RIMBP2: variants seen among roughly 807,000 people sequenced by gnomAD.
The protein encoded by RIMBP2 is RIMS-binding protein 2.
A neutral mutation model predicts 118.6 loss-of-function variants in RIMBP2; 48 were observed. The ratio of observed to expected loss-of-function variants is 0.40; its 90% confidence interval spans 0.32 to 0.51. The LOEUF (loss-of-function observed/expected upper bound fraction) is 0.51, where lower values mean the gene tolerates loss of function less well. RIMBP2 is among the 20% of genes least tolerant of loss of function. The pLI, the probability that RIMBP2 is intolerant of heterozygous loss-of-function variation, is 0.41. For missense variants in RIMBP2, 1,551 were observed against 1,768.3 expected, an observed-to-expected ratio of 0.88 and a Z score of 2.20; for synonymous variants, 762 against 742.9, an observed-to-expected ratio of 1.03 and a Z score of -0.42.
chr12:130,527,109 G>A (rs974279949), intron 2 of RIMBP2, among the ~76,000 whole-genome samples: 5 of 152,192 alleles, frequency 3.3e-5, no homozygotes, highest in African/African-American at 9.7e-5. Flanking sequence ...TGGAGGGACC[G>A]TTGGGACTTG....
Position 130,664,383 on chromosome 12 carries a change from G to GCACGCACGCA in RIMBP2, c.-351-35928_-351-35927insTGCGTGCGTG, listed in dbSNP as rs1212575577. Among the ~76,000 whole-genome samples the GCACGCACGCA allele has an allele frequency of 4.5e-4, 60 of 132,438 alleles. 2 individuals are homozygous for GCACGCACGCA. Among genetic ancestry groups the GCACGCACGCA allele is most frequent in the Non-Finnish European group, 7.8e-4 (47 of 60,054 alleles). The allele number at this position is 132,438 out of a possible 152,430, so 86.9% of individuals were successfully genotyped here. ...CACATATGCACGTGCATGCACGCACGCGCATGCACACACACGCACGCACGC... is the reference window on the plus strand; with the variant it reads ...CACATATGCACGTGCATGCACGCACGCACGCACGCACGCATGCACACACACGCACGCACGC... On this transcript the variant is annotated intron_variant, in intron 1 of 22. Coordinates refer to ENST00000690449, the MANE Select transcript of RIMBP2 (RefSeq NM_001393629.1).
chr12:130,549,763 G>A (rs904963103), intron 2 of RIMBP2, among the ~76,000 whole-genome samples: 12 of 152,180 alleles, frequency 7.9e-5, no homozygotes, highest in African/African-American at 2.9e-4. Flanking sequence ...TGTCACTGAT[G>A]GGTACTTGGG....
intron 1 of RIMBP2, among the ~76,000 whole-genome samples, chr12:130,715,371 C>A (rs1359418466): frequency 6.6e-6 from 1 of 152,140 alleles, no homozygotes; most frequent in Non-Finnish European, 1.5e-5. Flanking sequence ...CCAGCCGCCA[C>A]CCCGACCTCA....
intron 1 of RIMBP2, among the ~76,000 whole-genome samples, chr12:130,698,985 C>T (rs894267755): frequency 9.2e-5 from 14 of 152,216 alleles, no homozygotes; most frequent in Admixed American, 5.2e-4. Flanking sequence ...AAAAAATGCT[C>T]ATCATCACTG....
intron 1 of RIMBP2, among the ~76,000 whole-genome samples, chr12:130,642,087 C>G (rs2062647321): frequency 6.6e-6 from 1 of 152,144 alleles, no homozygotes; most frequent in East Asian, 1.9e-4. Context: ...TTTCTAACCA[C>G]TGTACCCCCA....
rs544328205 is a variant in RIMBP2 at position 130,424,460 on chromosome 12, G to C, written c.2811C>G (p.Thr937=). Residue 937 remains threonine (T), a synonymous_variant, in exon 16 of 23, where the codon ACC becomes ACG. Coordinates refer to ENST00000690449, the MANE Select transcript of RIMBP2 (RefSeq NM_001393629.1). The surrounding 1 kb of genome is among the most constrained non-coding windows in gnomAD (Gnocchi z 9.8). ...EDESRFGFGN[T]VAACSPGPGH... ...CAGGGCCTGGGCTGCACGCGGCCAC[G>C]GTGTTTCCGAAGCCAAACCGCGACT... The C allele has an allele frequency of 4.1e-6, 5 of 1,232,126 alleles. No individual in the cohort carries two copies. The highest frequency in any genetic ancestry group is 5.1e-6 in the Non-Finnish European group (5 of 987,812). 76.3% of individuals were successfully genotyped at this position (1,232,126 alleles called of 1,614,324 possible).
rs1373992328 is a variant in RIMBP2 at position 130,439,670 on chromosome 12, G to A, written c.1505-1154C>T. Among the ~76,000 whole-genome samples the A allele has an allele frequency of 2.8e-4, 22 of 78,414 alleles. 1 individual carries two copies. Among genetic ancestry groups the A allele is most frequent in the Admixed American group, 1.8e-4 (1 of 5,688 alleles). 51.4% of individuals were successfully genotyped at this position (78,414 alleles called of 152,430 possible). ...GTGGGGGGGATGTGTTTTTTTGTGT[G>A]GGGGGTGTATGTGTTTTTGTGTACG... On this transcript the variant is annotated intron_variant, in intron 11 of 22. Transcript: ENST00000690449.
chr12:130,705,121 G>A (rs998991865), intron 1 of RIMBP2, among the ~76,000 whole-genome samples: 3 of 152,148 alleles, frequency 2.0e-5, no homozygotes, highest in Admixed American at 6.5e-5. Flanking sequence ...TCCTCTCCGT[G>A]GCCACATTGC....
intron 1 of RIMBP2, among the ~76,000 whole-genome samples, chr12:130,645,046 G>T (rs939592235): frequency 6.6e-6 from 1 of 152,064 alleles, no homozygotes; most frequent in Non-Finnish European, 1.5e-5. Context: ...ATCAGTTGTG[G>T]TTGGAGTGTT....
At position 130,590,955 on chromosome 12, in the gene RIMBP2, G is replaced by A. The variant is rs375116833; in HGVS notation, c.-217+37367C>T. Among the ~76,000 whole-genome samples the A allele has an allele frequency of 3.0e-4, 45 of 152,304 alleles. 1 individual carries two copies. The highest frequency in any genetic ancestry group is 1.0e-3 in the African/African-American group (42 of 41,580). On this transcript the variant is annotated intron_variant, in intron 2 of 22. Transcript: ENST00000690449. ...AGAGCAAGTGCAGCCAGGGGAAAGC[G>A]GGATGCAGACTCTAGCGTTCAACAT... is the stretch of plus-strand genomic sequence containing the variant.
At chr12:130,571,569 G>A (rs1238347948) in intron 2 of RIMBP2, among the ~76,000 whole-genome samples, 10 of 151,968 alleles carry the variant, frequency 6.6e-5, no homozygotes, top group Admixed American at 2.0e-4. Flanking sequence ...ACAGGCGCCC[G>A]CCACCATGCC....
intron 2 of RIMBP2, among the ~76,000 whole-genome samples, chr12:130,579,647 C>A (rs1003027791): frequency 6.6e-6 from 1 of 152,024 alleles, no homozygotes; most frequent in Non-Finnish European, 1.5e-5. Flanking sequence ...GTCTTAGGGA[C>A]CCCCAGCACA....
At chr12:130,596,273 T>G (rs753917583) in intron 2 of RIMBP2, among the ~76,000 whole-genome samples, 7 of 152,202 alleles carry the variant, frequency 4.6e-5, no homozygotes, top group Admixed American at 2.0e-4. Flanking sequence ...GCCGACAGCC[T>G]GCGTTTACTG....
chr12:130,645,735 T>C (rs2062840862), intron 1 of RIMBP2, among the ~76,000 whole-genome samples: 1 of 152,228 alleles, frequency 6.6e-6, no homozygotes, highest in Non-Finnish European at 1.5e-5. Flanking sequence ...AAACCGTGCC[T>C]GATCTCTTCC....
At chr12:130,639,388 A>AAAAC (rs1263399635) in intron 1 of RIMBP2, among the ~76,000 whole-genome samples, 1 of 148,720 alleles carries the variant, frequency 6.7e-6, no homozygotes, top group Non-Finnish European at 1.5e-5. Context: ...CATCTTAAAA[A>AAAAC]AAAAAAAAAT....
intron 1 of RIMBP2, among the ~76,000 whole-genome samples, chr12:130,646,039 T>TTCCCTCACCACC (rs1555317445): frequency 1.4e-5 from 2 of 142,488 alleles, no homozygotes; most frequent in Admixed American, 7.1e-5. Flanking sequence ...CGGCAGCCAG[T>TTCCCTCACCACC]TCCCTCTCCA....
chr12:130,521,619 G>T (rs2052131317), intron 2 of RIMBP2, among the ~76,000 whole-genome samples: 1 of 152,200 alleles, frequency 6.6e-6, no homozygotes, highest in Non-Finnish European at 1.5e-5. Flanking sequence ...CCACATCTGA[G>T]TGCTAGTGGT....
chr12:130,506,276 C>T (rs945906741), intron 4 of RIMBP2, among the ~76,000 whole-genome samples: 1 of 152,046 alleles, frequency 6.6e-6, no homozygotes, highest in South Asian at 2.1e-4. Flanking sequence ...GGTCATTAAA[C>T]GTCTGAGGAG....
chr12:130,604,566 T>C lies in RIMBP2; in HGVS notation c.-217+23756A>G, dbSNP rs563700031. ...AGCTCCATTCATGGTAAGTGCCCTA[T>C]ACAGATGCCCCTTTTCTTTCTTTTT... On this transcript the variant is annotated intron_variant, in intron 2 of 22. Transcript: ENST00000690449. 1.1e-3 allele frequency among the ~76,000 whole-genome samples: 158 copies of C among 137,540 alleles called. 1 individual carries two copies. Among genetic ancestry groups the C allele is most frequent in the Non-Finnish European group, 1.8e-3 (117 of 64,910 alleles). 90.2% of individuals were successfully genotyped at this position (137,540 alleles called of 152,430 possible).
Sources: gnomAD v4.1 joint callset for allele counts (sites outside exome capture counted in the v4.1 genomes callset) on GRCh38, gnomAD v4.1.1 for gene constraint, Gnocchi (gnomAD v3.1) non-coding constraint, MANE v1.5 for transcripts, NCBI Gene and HGNC (gene_info 2026-07-23, HGNC 2026-07-21) for gene names.